HACL1: variants seen among roughly 807,000 people sequenced by gnomAD.
The protein encoded by HACL1 is 2-hydroxyacyl-CoA lyase 1.
In HACL1, 64 loss-of-function variants were observed where a neutral mutation model predicts 74.2. That is an observed-to-expected ratio of 0.86 (90% CI 0.70 to 1.06). HACL1 has a LOEUF of 1.06. Ranked by LOEUF, HACL1 falls within the 50% of genes least tolerant of loss-of-function variation. HACL1 has a pLI of 0.00. For synonymous variants in HACL1, 230 were observed against 238.8 expected (o/e 0.96, Z 0.34); for missense variants, 728 against 719.7 (o/e 1.01, Z -0.13).
intron 3 of HACL1, 166 bp downstream of exon 3, chr3:15,596,218 T>C: frequency 1.7e-6 from 1 of 581,386 alleles, no homozygotes; most frequent in Non-Finnish European, 3.1e-6. Context: ...TCTGGTATCA[T>C]TATTCTTTTG....
Position 15,573,729 on chromosome 3 carries a change from G to A in HACL1, c.910-487C>T, listed in dbSNP as rs539550002. ...GAAATGTGCATTTCTAACAGGTTTC[G>A]CAGGTGGTGCTGATGCGCCTGGCCC... On this transcript the variant is annotated intron_variant, in intron 10 of 16. Transcript: ENST00000321169. 8.5e-5 allele frequency among the ~76,000 whole-genome samples: 13 copies of A among 152,274 alleles called. No individual in the cohort carries two copies. In the South Asian group the frequency reaches 1.4e-3, roughly 17 times the overall value.
intron 3 of HACL1, among the ~76,000 whole-genome samples, chr3:15,592,965 C>T (rs1238109031): frequency 1.1e-5 from 1 of 93,410 alleles, no homozygotes; most frequent in Non-Finnish European, 2.3e-5. Context: ...TACACATGTA[C>T]GCACATGTGT....
intron 2 of HACL1, among the ~76,000 whole-genome samples, chr3:15,599,654 T>C (rs1175430512): frequency 6.6e-6 from 1 of 152,228 alleles, no homozygotes; most frequent in Non-Finnish European, 1.5e-5. Flanking sequence ...ATCTTCTCTG[T>C]CCTCAAAGAG....
chr3:15,596,401 A>C lies in HACL1; in HGVS notation c.210T>G (p.Ile70Met), dbSNP rs1308789634. 1 of 1,597,180 alleles carries C rather than the reference A, an allele frequency of 6.3e-7. No homozygotes were observed. Among genetic ancestry groups the C allele is most frequent in the Non-Finnish European group, 8.6e-7 (1 of 1,164,752 alleles). The stretch of plus-strand genomic sequence containing the variant: ...TAGTTTACCTGCTTGTCAGATATCC[A>C]ATCGCGGAGGCAGCATAACAAGCCT... ...EQAACYAASAIGYLTSRPGVC... is the reference protein window; with the variant it reads ...EQAACYAASAMGYLTSRPGVC... Residue 70 changes from isoleucine to methionine, a missense_variant, in exon 3 of 17, where the codon ATT becomes ATG. Ile to Met is a conservative substitution (Grantham distance 10). Coordinates refer to ENST00000321169, the MANE Select transcript of HACL1 (RefSeq NM_012260.4).
chr3:15,599,083 C>T (rs1423035376), intron 2 of HACL1, among the ~76,000 whole-genome samples: 1 of 152,252 alleles, frequency 6.6e-6, no homozygotes, highest in Non-Finnish European at 1.5e-5. Context: ...GACATCATCT[C>T]CTGTGGGAAG....
At chr3:15,577,448 G>A (rs1259416553) in intron 9 of HACL1, among the ~76,000 whole-genome samples, 1 of 151,816 alleles carries the variant, frequency 6.6e-6, no homozygotes, top group Non-Finnish European at 1.5e-5. Context: ...AAGATATTTA[G>A]GGGACTGCAA....
In HACL1 at chr3:15,601,226, C is replaced by T. The variant is rs574928592; in HGVS notation, c.82-32G>A. On this transcript the variant is annotated intron_variant, in intron 1 of 16. Coordinates refer to ENST00000321169, the MANE Select transcript of HACL1 (RefSeq NM_012260.4). ...AACGAAGAACAGGGGAGTAAACTCC[C>T]AAGGCCCCACCATATCGCCACATCC... 4 of 1,565,076 alleles carry T rather than the reference C, an allele frequency of 2.6e-6. No individual in the cohort carries two copies. In the East Asian group the frequency reaches 6.7e-5, roughly 26 times the overall value.
chr3:15,565,915 CACA>C (rs1263592414), intron 14 of HACL1, among the ~76,000 whole-genome samples: 1 of 152,192 alleles, frequency 6.6e-6, no homozygotes, highest in Non-Finnish European at 1.5e-5. Context: ...AGCAATACAG[CACA>C]ACAATTATTT....
intron 14 of HACL1, among the ~76,000 whole-genome samples, chr3:15,566,067 A>G (rs921591364): frequency 2.0e-5 from 3 of 152,152 alleles, no homozygotes; most frequent in African/African-American, 7.2e-5. Context: ...GGATTTTGGT[A>G]TTTGAGGAAG....
At chr3:15,596,891 G>T (rs1359643368) in intron 2 of HACL1, among the ~76,000 whole-genome samples, 1 of 151,964 alleles carries the variant, frequency 6.6e-6, no homozygotes, top group Non-Finnish European at 1.5e-5. Flanking sequence ...TTTTGAATTT[G>T]ATTTGCTTTT....
At chr3:15,592,054 A>G (rs1329986247) in intron 3 of HACL1, among the ~76,000 whole-genome samples, 1 of 27,656 alleles carries the variant, frequency 3.6e-5, no homozygotes, top group African/African-American at 1.6e-4. Context: ...CACACTATAT[A>G]CGTATATATA....
At chr3:15,575,366 T>C (rs1199644833) in intron 9 of HACL1, among the ~76,000 whole-genome samples, 3 of 152,148 alleles carry the variant, frequency 2.0e-5, no homozygotes, top group Non-Finnish European at 4.4e-5. Context: ...AAGTACACTG[T>C]AGGCAATCCA....
At chr3:15,574,478 C>T (rs1325728005) in intron 10 of HACL1, among the ~76,000 whole-genome samples, 1 of 152,122 alleles carries the variant, frequency 6.6e-6, no homozygotes, top group Non-Finnish European at 1.5e-5. Context: ...AAGAAAATGG[C>T]TTATAAGGTG....
chr3:15,581,197 C>T (rs1029722531), intron 8 of HACL1, among the ~76,000 whole-genome samples: 3 of 152,228 alleles, frequency 2.0e-5, no homozygotes, highest in Admixed American at 6.5e-5. Flanking sequence ...CCACCACACT[C>T]GGCCCACGTT....
intron 3 of HACL1, among the ~76,000 whole-genome samples, chr3:15,594,265 G>A (rs1452390620): frequency 6.6e-6 from 1 of 152,136 alleles, no homozygotes; most frequent in African/African-American, 2.4e-5. Context: ...AACTAGCTGA[G>A]TATGGTGGTG....
At chr3:15,580,107 A>G (rs2063695816) in intron 8 of HACL1, 62 bp from the exon 9 acceptor site, 2 of 1,350,848 alleles carry the variant, frequency 1.5e-6, no homozygotes, top group Admixed American at 4.2e-5. Flanking sequence ...GACCCTTAAA[A>G]AAGTTCATGT....
In HACL1 at chr3:15,563,544, C is replaced by A; in HGVS notation, c.1518G>T (p.Val506=). 1 of 1,590,362 alleles carries A rather than the reference C, an allele frequency of 6.3e-7. No homozygotes were observed. Among genetic ancestry groups the A allele is most frequent in the Non-Finnish European group, 8.6e-7 (1 of 1,161,346 alleles). Residue 506 remains valine (V), a splice_region_variant and synonymous_variant, in exon 16 of 17, where the codon GTG becomes GTT. Transcript: ENST00000321169. ...TTGGCAGCAAACACATTGGAGGGAC[C>A]CTGAAAAACAAGGTCATGAGTCAAT... ...EMLKFQDATA[V]VPPMCLLPNS...
chr3:15,582,921 G>C lies in HACL1; in HGVS notation c.623C>G (p.Ser208Cys). 1.9e-6 allele frequency: 3 copies of C among 1,611,476 alleles called. No homozygotes were observed. Among genetic ancestry groups the C allele is most frequent in the Non-Finnish European group, 2.5e-6 (3 of 1,177,764 alleles). ...GGGTTGTTTGGCATTCCTAATAACA[G>C]AAGCCGCCGTGCACACAGCAGAGGT... ...AETSAVCTAA[S>C]VIRNAKQPLL... The change falls in exon 8 of 17, where the codon TCT (serine) becomes TGT (cysteine). Residue 208 changes from serine to cysteine, a missense_variant. By Grantham distance (112) the Ser-to-Cys change is moderately radical. Transcript: ENST00000321169.
At chr3:15,563,311 G>T in intron 16 of HACL1, 47 bp downstream of exon 16, 1 of 1,281,764 alleles carries the variant, frequency 7.8e-7, no homozygotes, top group Non-Finnish European at 1.1e-6. Flanking sequence ...GAGGGGGATA[G>T]GGGAAGCAGA....
Sources: gnomAD v4.1 joint callset for allele counts (sites outside exome capture counted in the v4.1 genomes callset) on GRCh38, gnomAD v4.1.1 for gene constraint, MANE v1.5 for transcripts, NCBI Gene and HGNC (gene_info 2026-07-23, HGNC 2026-07-21) for gene names.